Variants in PDGFC observed in about 807,000 individuals in gnomAD.
The protein encoded by PDGFC is platelet derived growth factor C, also known as platelet-derived growth factor C.
Under a neutral mutation model 35.5 loss-of-function variants are expected in PDGFC, and 12 were observed. The ratio of observed to expected loss-of-function variants is 0.34; its 90% confidence interval spans 0.22 to 0.55. The LOEUF (loss-of-function observed/expected upper bound fraction) is 0.55, where lower values mean the gene tolerates loss of function less well. Ranked by LOEUF, PDGFC falls within the 20% of genes least tolerant of loss-of-function variation. PDGFC has a pLI of 0.91. For missense variants in PDGFC, 322 were observed against 412.4 expected (o/e 0.78, Z 1.90); for synonymous variants, 159 against 148.8 (o/e 1.07, Z -0.50).
At position 156,970,829 on chromosome 4, in the gene PDGFC, G is replaced by T; in HGVS notation, c.75C>A (p.Asn25Lys). ...TGGAAAACTGGAATTTACTACTCAGGTTGGATTCCGCCTGAGTCCCCTGTC... is the reference window on the plus strand; with the variant it reads ...TGGAAAACTGGAATTTACTACTCAGTTTGGATTCCGCCTGAGTCCCCTGTC... Reference protein sequence around the residue: ...GQRQGTQAESNLSSKFQFSSN... With the variant: ...GQRQGTQAESKLSSKFQFSSN... Residue 25 changes from asparagine (N) to lysine (K), a missense_variant, in exon 1 of 6, where the codon AAC becomes AAA. This residue lies in a region of PDGFC where 120 missense variants were observed against 116.6 expected (regional missense o/e 1.03). Coordinates refer to ENST00000502773, the MANE Select transcript of PDGFC (RefSeq NM_016205.3). 1 of 1,613,844 alleles carries T rather than the reference G, an allele frequency of 6.2e-7. No individual in the cohort carries two copies. The highest frequency in any genetic ancestry group is 1.1e-5 in the South Asian group (1 of 91,064).
intron 1 of PDGFC, among the ~76,000 whole-genome samples, chr4:156,897,582 A>G (rs1730665606): frequency 6.6e-6 from 1 of 152,148 alleles, no homozygotes; most frequent in Admixed American, 6.5e-5. Flanking sequence ...TTCTACATTA[A>G]AAATGAATTG....
intron 2 of PDGFC, among the ~76,000 whole-genome samples, chr4:156,841,136 A>C (rs1340494303): frequency 6.7e-6 from 1 of 148,566 alleles, no homozygotes; most frequent in Non-Finnish European, 1.5e-5. Context: ...TGAGGACATG[A>C]GATTTGGGAG....
chr4:156,875,292 C>A (rs560312308), intron 1 of PDGFC, among the ~76,000 whole-genome samples: 5 of 152,180 alleles, frequency 3.3e-5, no homozygotes, highest in Middle Eastern at 3.4e-3. Flanking sequence ...ATATGGAACA[C>A]AATAACAATC....
chr4:156,770,307 A>C, intron 4 of PDGFC: 1 of 152,078 alleles, frequency 6.6e-6, no homozygotes, highest in East Asian at 1.9e-4. Flanking sequence ...TGAAAGAAAA[A>C]AAAGTAAAGC....
chr4:156,772,253 C>T (rs944433475), intron 4 of PDGFC, among the ~76,000 whole-genome samples: 1 of 152,016 alleles, frequency 6.6e-6, no homozygotes, highest in Admixed American at 6.6e-5. Flanking sequence ...TAATACTGAC[C>T]CATGGGAGAT....
chr4:156,932,324 C>T (rs544266389), intron 1 of PDGFC, among the ~76,000 whole-genome samples: 52 of 152,158 alleles, frequency 3.4e-4, no homozygotes, highest in African/African-American at 1.2e-3. Flanking sequence ...GCCATTTTCA[C>T]GATATTGATT....
intron 1 of PDGFC, among the ~76,000 whole-genome samples, chr4:156,916,905 C>A (rs140915572): frequency 6.6e-6 from 1 of 152,232 alleles, no homozygotes; most frequent in East Asian, 1.9e-4. Flanking sequence ...ATGAAAATCC[C>A]AGGACACTCA....
intron 2 of PDGFC, among the ~76,000 whole-genome samples, chr4:156,845,393 T>C (rs1485856379): frequency 4.6e-5 from 7 of 151,620 alleles, no homozygotes; most frequent in Non-Finnish European, 1.0e-4. Flanking sequence ...AATATATATA[T>C]ATACAGAGAG....
intron 4 of PDGFC, among the ~76,000 whole-genome samples, 166 bp from the exon 5 acceptor site, chr4:156,768,156 A>G (rs1560803088): frequency 6.6e-6 from 1 of 152,086 alleles, no homozygotes; most frequent in African/African-American, 2.4e-5. Context: ...ACAACTACAA[A>G]TTGGACCTTC....
chr4:156,806,509 G>A lies in PDGFC; in HGVS notation c.495+4328C>T, dbSNP rs944964527. ...TTTCATAATGTTAACCAAATTGGAG[G>A]GAGAATAAGAAAATCTTCAAATCTC... On this transcript the variant is annotated intron_variant, in intron 3 of 5. Transcript: ENST00000502773. Among the ~76,000 whole-genome samples, 11 of 151,370 alleles carry A rather than the reference G, an allele frequency of 7.3e-5. 1 individual carries two copies. The highest frequency in any genetic ancestry group is 2.7e-4 in the African/African-American group (11 of 41,236).
chr4:156,969,354 G>A (rs914414379), intron 1 of PDGFC, among the ~76,000 whole-genome samples: 1 of 152,148 alleles, frequency 6.6e-6, no homozygotes, highest in Non-Finnish European at 1.5e-5. Context: ...TACATCCCTA[G>A]GCTGCCCTTT....
chr4:156,962,487 T>C (rs1041158737), intron 1 of PDGFC, among the ~76,000 whole-genome samples: 14 of 152,076 alleles, frequency 9.2e-5, no homozygotes, highest in African/African-American at 3.1e-4. Flanking sequence ...TAATAGACCA[T>C]GAAGTAAAAG....
chr4:156,825,602 G>T (rs3964172), intron 2 of PDGFC, among the ~76,000 whole-genome samples: 1,878 of 106,924 alleles, frequency 0.018, 14 homozygotes, highest in East Asian at 0.023. Flanking sequence ...ATAAGAAGAA[G>T]AAGAAGAAGA....
Position 156,840,610 on chromosome 4 carries a change from G to A in PDGFC, c.314+9611C>T, listed in dbSNP as rs143923338. The stretch of plus-strand genomic sequence containing the variant: ...TGCCTAGTGGAGCTGTGAGAAGAGG[G>A]CCACTGTCCTCCAGACCCCAGAATT... On this transcript the variant is annotated intron_variant, in intron 2 of 5. Coordinates refer to ENST00000502773, the MANE Select transcript of PDGFC (RefSeq NM_016205.3). Among the ~76,000 whole-genome samples the A allele has an allele frequency of 3.2e-3, 483 of 152,266 alleles. 4 individuals carry two copies. The highest frequency in any genetic ancestry group is 0.011 in the African/African-American group (467 of 41,570).
Position 156,892,575 on chromosome 4 carries a change from A to C in PDGFC, c.119-42159T>G, listed in dbSNP as rs557546730. On this transcript the variant is annotated intron_variant, in intron 1 of 5. Coordinates refer to ENST00000502773, the MANE Select transcript of PDGFC (RefSeq NM_016205.3). ...GAATGGTGAAATGGAAATCCAAAAA[A>C]AGGATATAAAAATCCCAAAGGATTA... is the stretch of plus-strand genomic sequence containing the variant. Among the ~76,000 whole-genome samples, 263 of 152,326 alleles carry C rather than the reference A, an allele frequency of 1.7e-3. 1 individual carries two copies. Among genetic ancestry groups the C allele is most frequent in the African/African-American group, 5.9e-3 (246 of 41,570 alleles).
chr4:156,866,123 C>G (rs1350866045), intron 1 of PDGFC, among the ~76,000 whole-genome samples: 1 of 152,112 alleles, frequency 6.6e-6, no homozygotes, highest in Non-Finnish European at 1.5e-5. Context: ...CACCCGAGGA[C>G]AGTCCCCAGT....
At chr4:156,857,950 G>A (rs1361620056) in intron 1 of PDGFC, among the ~76,000 whole-genome samples, 13 of 151,962 alleles carry the variant, frequency 8.6e-5, no homozygotes, top group Non-Finnish European at 1.9e-4. Flanking sequence ...TAAAATCACT[G>A]CAACTCTAGG....
At chr4:156,911,603 CTAAG>C in intron 1 of PDGFC, among the ~76,000 whole-genome samples, 1 of 152,114 alleles carries the variant, frequency 6.6e-6, no homozygotes, top group South Asian at 2.1e-4. Context: ...GAAAAAACCT[CTAAG>C]TGTTATATTA....
At position 156,825,597 on chromosome 4, in the gene PDGFC, A is replaced by AAGAAGAAGG. The variant is rs1298493981; in HGVS notation, c.315-14581_315-14580insCCTTCTTCT. Among the ~76,000 whole-genome samples, 4 of 82,778 alleles carry AAGAAGAAGG rather than the reference A, an allele frequency of 4.8e-5. 1 individual carries two copies. The highest frequency in any genetic ancestry group is 1.9e-4 in the African/African-American group (4 of 20,666). 54.3% of individuals were successfully genotyped at this position (82,778 alleles called of 152,430 possible). ...TAATAATAATAATAATAATAATAAG[A>AAGAAGAAGG]AGAAGAAGAAGAAGAAGAAGAAGAA... is the stretch of plus-strand genomic sequence containing the variant. On this transcript the variant is annotated intron_variant, in intron 2 of 5. Coordinates refer to ENST00000502773, the MANE Select transcript of PDGFC (RefSeq NM_016205.3).
Sources: allele counts gnomAD v4.1 joint callset (sites outside exome capture counted in the v4.1 genomes callset), GRCh38; gene constraint gnomAD v4.1.1; regional missense constraint gnomAD v4.1.1; transcripts MANE v1.5; gene names NCBI Gene and HGNC (gene_info 2026-07-23, HGNC 2026-07-21).